Variants in OR2L3 observed in about 807,000 individuals in gnomAD.
OR2L3 encodes olfactory receptor family 2 subfamily L member 3, also known as olfactory receptor 2L3.
For missense variants in OR2L3, 369 were observed against 376.6 expected, an observed-to-expected ratio of 0.98 and a Z score of 0.17; for synonymous variants, 131 against 139.1, an observed-to-expected ratio of 0.94 and a Z score of 0.41.
chr1:248,057,229 G>A (rs1663462486), intron 1 of OR2L3, among the ~76,000 whole-genome samples: 1 of 152,180 alleles, frequency 6.6e-6, no homozygotes, highest in Admixed American at 6.5e-5. Context: ...AATAGTGACG[G>A]TGGGGTATTA....
intron 1 of OR2L3, among the ~76,000 whole-genome samples, chr1:248,056,231 TTA>T (rs1663429517): frequency 6.6e-6 from 1 of 152,176 alleles, no homozygotes; most frequent in East Asian, 1.9e-4. Context: ...TGCAGGTTAG[TTA>T]CATATGTATA....
chr1:248,052,754 T>C (rs1296320971), intron 1 of OR2L3, among the ~76,000 whole-genome samples: 1 of 151,976 alleles, frequency 6.6e-6, no homozygotes, highest in Non-Finnish European at 1.5e-5. Flanking sequence ...AATCAGATTG[T>C]ATGAGTCTTT....
rs573740645 is a variant in OR2L3, at chr1:248,060,958, T to C, written c.277T>C (p.Phe93Leu). The change falls in exon 2 of 2, where the codon TTC becomes CTC. Residue 93 changes from phenylalanine (F) to leucine (L), a missense_variant. Coordinates refer to ENST00000359959, the MANE Select transcript of OR2L3 (RefSeq NM_001004687.2). ...DFLSGNKSIS[F>L]TGCGIQSFFF... The stretch of plus-strand genomic sequence containing the variant: ...TCTGTCTGGTAACAAGTCTATCTCC[T>C]TCACTGGGTGTGGGATTCAGAGTTT... The C allele has an allele frequency of 2.1e-5, 34 of 1,614,016 alleles. No homozygotes were observed. In the South Asian group the frequency reaches 3.5e-4, roughly 17 times the overall value.
At chr1:248,052,478 C>G (rs1030174364) in intron 1 of OR2L3, among the ~76,000 whole-genome samples, 4 of 152,074 alleles carry the variant, frequency 2.6e-5, no homozygotes, top group Non-Finnish European at 5.9e-5. Flanking sequence ...CCGGTAATCC[C>G]AGCACTTTGG....
intron 1 of OR2L3, among the ~76,000 whole-genome samples, chr1:248,057,637 C>A (rs1663476034): frequency 6.6e-6 from 1 of 152,128 alleles, no homozygotes; most frequent in African/African-American, 2.4e-5. Context: ...ATATAGGATG[C>A]ATTTCCATTT....
chr1:248,054,298 T>C (rs1663363880), intron 1 of OR2L3, among the ~76,000 whole-genome samples: 2 of 152,204 alleles, frequency 1.3e-5, no homozygotes, highest in African/African-American at 2.4e-5. Context: ...GAGTTTTCTA[T>C]TCTGTTCCAT....
chr1:248,060,822 C>A lies in OR2L3; in HGVS notation c.141C>A (p.Leu47=), dbSNP rs752247542. ...ALIGNLSMIL[L]IFLDTHLHTP... The stretch of plus-strand genomic sequence containing the variant: ...TTGGAAACCTATCCATGATTCTTCT[C>A]ATCTTCTTGGACACCCATCTCCACA... The change falls in exon 2 of 2, where the codon CTC becomes CTA. Residue 47 remains leucine (L), a synonymous_variant. Transcript: ENST00000359959. 6.2e-7 allele frequency: 1 copy of A among 1,614,004 alleles called. No homozygotes were observed. The highest frequency in any genetic ancestry group is 1.7e-5 in the Admixed American group (1 of 60,010).
At chr1:248,048,651 A>G (rs997961628) in intron 1 of OR2L3, among the ~76,000 whole-genome samples, 1 of 152,212 alleles carries the variant, frequency 6.6e-6, no homozygotes, top group Non-Finnish European at 1.5e-5. Flanking sequence ...CAGCTTTTGC[A>G]GTGAAACTGA....
chr1:248,049,415 C>G lies in OR2L3; in HGVS notation c.-22+2535C>G, dbSNP rs148095942. Among the ~76,000 whole-genome samples the G allele has an allele frequency of 4.6e-3, 706 of 152,268 alleles. 7 individuals carry two copies. The highest frequency in any genetic ancestry group is 0.024 in the Middle Eastern group (7 of 294). On this transcript the variant is annotated intron_variant, in intron 1 of 1. Coordinates refer to ENST00000359959, the MANE Select transcript of OR2L3 (RefSeq NM_001004687.2). Reference sequence around the variant, plus strand: ...AGCATTTGGAGAGTCGTAAATATTACGTTGAATATGTACATCCTCAACTTG... The same window carrying G: ...AGCATTTGGAGAGTCGTAAATATTAGGTTGAATATGTACATCCTCAACTTG...
In OR2L3 at chr1:248,061,428, C is replaced by G. The variant is rs1159434605; in HGVS notation, c.747C>G (p.Phe249Leu). 1.2e-6 allele frequency: 2 copies of G among 1,614,082 alleles called. No individual in the cohort carries two copies. The highest frequency in any genetic ancestry group is 1.7e-6 in the Non-Finnish European group (2 of 1,180,000). Residue 249 changes from phenylalanine (F) to leucine (L), a missense_variant, in exon 2 of 2, where the codon TTC (phenylalanine) becomes TTG (leucine). Phe to Leu is a conservative substitution (Grantham distance 22). Coordinates refer to ENST00000359959, the MANE Select transcript of OR2L3 (RefSeq NM_001004687.2). ...TCSTHLTVVT[F>L]YYAPFVYTYL... Reference sequence around the variant, plus strand: ...GCACCCACCTCACTGTAGTAACTTTCTACTATGCACCTTTTGTCTACACTT... The same window carrying G: ...GCACCCACCTCACTGTAGTAACTTTGTACTATGCACCTTTTGTCTACACTT...
chr1:248,055,237 A>G (rs1456934441), intron 1 of OR2L3, among the ~76,000 whole-genome samples: 1 of 152,184 alleles, frequency 6.6e-6, no homozygotes, highest in Non-Finnish European at 1.5e-5. Context: ...GTGATGGATT[A>G]CATTCATTGA....
intron 1 of OR2L3, among the ~76,000 whole-genome samples, chr1:248,057,100 A>C (rs1323089574): frequency 1.3e-5 from 2 of 152,110 alleles, no homozygotes; most frequent in African/African-American, 4.8e-5. Context: ...GTGCCAAGAC[A>C]AAATTTTGTA....
intron 1 of OR2L3, among the ~76,000 whole-genome samples, chr1:248,054,233 G>GT (rs1298805401): frequency 1.3e-5 from 2 of 152,036 alleles, no homozygotes; most frequent in African/African-American, 2.4e-5. Context: ...CCCGTTGCTT[G>GT]TTTTTTTCCA....
chr1:248,052,178 T>C (rs1451913670), intron 1 of OR2L3, among the ~76,000 whole-genome samples: 1 of 152,238 alleles, frequency 6.6e-6, no homozygotes, highest in Non-Finnish European at 1.5e-5. Context: ...TTAGGATTTT[T>C]ATTCATTTTG....
chr1:248,061,075 C>T lies in OR2L3; in HGVS notation c.394C>T (p.Pro132Ser), dbSNP rs1286737301. The T allele has an allele frequency of 6.2e-7, 1 of 1,614,056 alleles. No individual in the cohort carries two copies. ...YIAICFPLHY[P>S]IRMSKRMCVL... is the part of the protein sequence containing the mutation. Reference sequence around the variant, plus strand: ...TGCTATTTGCTTTCCTCTTCACTATCCCATCCGCATGAGCAAAAGAATGTG... The same window carrying T: ...TGCTATTTGCTTTCCTCTTCACTATTCCATCCGCATGAGCAAAAGAATGTG... Residue 132 changes from proline (P) to serine (S), a missense_variant, in exon 2 of 2, where the codon CCC (proline) becomes TCC (serine). Pro to Ser is a moderately conservative substitution (Grantham distance 74, BLOSUM62 -1). Coordinates refer to ENST00000359959, the MANE Select transcript of OR2L3 (RefSeq NM_001004687.2).
At chr1:248,057,757 T>A (rs1012491376) in intron 1 of OR2L3, among the ~76,000 whole-genome samples, 1 of 152,188 alleles carries the variant, frequency 6.6e-6, no homozygotes, top group African/African-American at 2.4e-5. Context: ...TTTTTGTTAC[T>A]ATTGGAAATA....
At position 248,061,844 on chromosome 1, in the gene OR2L3, C is replaced by G. The variant is rs2103128318; in HGVS notation, c.*224C>G. Reference sequence around the variant, plus strand: ...TTGTTTCCATAAATTTTGAAAGCACCTACTTTTACTAATATGTTGTCAATG... The same window carrying G: ...TTGTTTCCATAAATTTTGAAAGCACGTACTTTTACTAATATGTTGTCAATG... On this transcript the variant is annotated 3_prime_UTR_variant, in exon 2 of 2. Coordinates refer to ENST00000359959, the MANE Select transcript of OR2L3 (RefSeq NM_001004687.2). 1 of 387,202 alleles carries G rather than the reference C, an allele frequency of 2.6e-6. No individual in the cohort carries two copies. Among genetic ancestry groups the G allele is most frequent in the East Asian group, 3.9e-5 (1 of 25,620 alleles). 24.0% of individuals were successfully genotyped at this position (387,202 alleles called of 1,614,324 possible). A position where few individuals can be genotyped will look rare whatever the true frequency, so the allele number is the denominator to read the frequency against.
At chr1:248,057,871 A>G (rs1441944261) in intron 1 of OR2L3, among the ~76,000 whole-genome samples, 2 of 152,154 alleles carry the variant, frequency 1.3e-5, no homozygotes, top group Non-Finnish European at 2.9e-5. Flanking sequence ...TTTATTTATT[A>G]TTTATCCTAA....
intron 1 of OR2L3, among the ~76,000 whole-genome samples, chr1:248,050,345 AG>A (rs966042874): frequency 6.6e-6 from 1 of 152,220 alleles, no homozygotes; most frequent in African/African-American, 2.4e-5. Flanking sequence ...TTAATACAAA[AG>A]TAAAAGGGCC....
Sources: allele counts gnomAD v4.1 joint callset (sites outside exome capture counted in the v4.1 genomes callset), GRCh38; gene constraint gnomAD v4.1.1; transcripts MANE v1.5; gene names NCBI Gene and HGNC (gene_info 2026-07-23, HGNC 2026-07-21).